The following ADAMTSL1 variants were observed in gnomAD, a reference collection of about 807,000 sequenced individuals.
ADAMTSL1 encodes the protein ADAMTS-like protein 1.
In ADAMTSL1, 126 loss-of-function variants were observed where a neutral mutation model predicts 201.8. The observed-to-expected ratio is 0.62, with a 90% CI of 0.54 to 0.72. The LOEUF (loss-of-function observed/expected upper bound fraction) is 0.72, where lower values mean the gene tolerates loss of function less well. Ranked by LOEUF, ADAMTSL1 falls within the 30% of genes least tolerant of loss-of-function variation. The pLI, the probability that ADAMTSL1 is intolerant of heterozygous loss-of-function variation, is 0.00. For synonymous variants in ADAMTSL1, 1,121 were observed against 903.4 expected, an observed-to-expected ratio of 1.24 and a Z score of -4.32; for missense variants, 2,679 against 2,277.8, an observed-to-expected ratio of 1.18 and a Z score of -3.59.
At chr9:18,117,621 T>C (rs116345765) in intron 1 of ADAMTSL1, among the ~76,000 whole-genome samples, 2,573 of 152,284 alleles carry the variant, frequency 0.017, 79 homozygotes, top group African/African-American at 0.059. Flanking sequence ...CCATGGCACC[T>C]GTCACCTAAC....
chr9:18,137,372 T>C (rs186973449), intron 1 of ADAMTSL1, among the ~76,000 whole-genome samples: 39 of 152,314 alleles, frequency 2.6e-4, no homozygotes, highest in Admixed American at 1.7e-3. Context: ...CAGGCTAAAC[T>C]GGGACTGGCT....
rs191585625 is a variant in ADAMTSL1, at chr9:18,767,129, G to A, written c.2218-3473G>A. Among the ~76,000 whole-genome samples the A allele has an allele frequency of 1.1e-3, 166 of 152,276 alleles. 3 individuals are homozygous for A. In the South Asian group the frequency reaches 0.015, roughly 13 times the overall value. On this transcript the variant is annotated intron_variant, in intron 16 of 28. Transcript: ENST00000380548. ...GAGAAGTAGGTTTGGGATGAGGTTG[G>A]AAGGGCAGTATTAAGAGTTCCATTT...
Position 18,455,812 on chromosome 9 carries a change from C to T in ADAMTSL1, c.208-49017C>T, listed in dbSNP as rs372788211. On this transcript the variant is annotated intron_variant, in intron 2 of 29. Transcript: ENST00000680146. ...TATACCCACACAATTTTGCATTGAA[C>T]TTGGCAAGAATCACTATCCCCATCT... Among the ~76,000 whole-genome samples the T allele has an allele frequency of 1.1e-4, 14 of 131,850 alleles. No homozygotes were observed. In the East Asian group the frequency reaches 2.6e-3, roughly 24 times the overall value. 86.5% of individuals were successfully genotyped at this position (131,850 alleles called of 152,430 possible).
chr9:18,420,921 G>C (rs1818916002), intron 2 of ADAMTSL1, among the ~76,000 whole-genome samples: 2 of 152,160 alleles, frequency 1.3e-5, no homozygotes, highest in Non-Finnish European at 2.9e-5. Flanking sequence ...GGCCCTCTGA[G>C]AAAATGTGCC....
chr9:18,231,904 T>C (rs1031355255), intron 2 of ADAMTSL1, among the ~76,000 whole-genome samples: 2 of 152,226 alleles, frequency 1.3e-5, no homozygotes, highest in African/African-American at 4.8e-5. Flanking sequence ...ACTCATATCA[T>C]GACCACTCTG....
At chr9:18,456,879 C>G (rs1474898963) in intron 2 of ADAMTSL1, among the ~76,000 whole-genome samples, 4 of 152,114 alleles carry the variant, frequency 2.6e-5, no homozygotes, top group African/African-American at 7.2e-5. Flanking sequence ...TGAAATTACC[C>G]TGTTCATTTA....
intron 9 of ADAMTSL1, among the ~76,000 whole-genome samples, chr9:18,665,583 G>T (rs1829380643): frequency 1.3e-5 from 2 of 152,116 alleles, no homozygotes; most frequent in South Asian, 4.1e-4. Flanking sequence ...GCAACCAGTG[G>T]CATGGAGGGG....
At chr9:18,679,934 T>C (rs1365344353) in intron 10 of ADAMTSL1, among the ~76,000 whole-genome samples, 1 of 152,244 alleles carries the variant, frequency 6.6e-6, no homozygotes, top group East Asian at 1.9e-4. Flanking sequence ...CACTTTAGTC[T>C]TGAGATGGAT....
At chr9:18,154,781 G>T (rs1453675862) in intron 1 of ADAMTSL1, among the ~76,000 whole-genome samples, 2 of 152,052 alleles carry the variant, frequency 1.3e-5, no homozygotes, top group Non-Finnish European at 2.9e-5. Flanking sequence ...ACAGAAATGG[G>T]TGGGAAGAAA....
At chr9:18,688,690 ATATAT>A (rs1352207763) in intron 13 of ADAMTSL1, among the ~76,000 whole-genome samples, 24 of 28,808 alleles carry the variant, frequency 8.3e-4, no homozygotes, top group Admixed American at 1.8e-3. Flanking sequence ...AAAAAAAAAA[ATATAT>A]ATATATATAT....
At chr9:18,048,575 T>G (rs1339871741) in intron 1 of ADAMTSL1, among the ~76,000 whole-genome samples, 1 of 152,128 alleles carries the variant, frequency 6.6e-6, no homozygotes, top group African/African-American at 2.4e-5. Context: ...GGAAATTGGG[T>G]GTGAGATATA....
intron 2 of ADAMTSL1, among the ~76,000 whole-genome samples, chr9:18,252,413 G>T (rs887126809): frequency 2.0e-5 from 3 of 152,114 alleles, no homozygotes; most frequent in Non-Finnish European, 4.4e-5. Flanking sequence ...ACCTCCCATG[G>T]ATACCAAAAT....
At chr9:18,500,342 G>T (rs1318197789) in intron 1 of ADAMTSL1, among the ~76,000 whole-genome samples, 1 of 152,184 alleles carries the variant, frequency 6.6e-6, no homozygotes, top group Non-Finnish European at 1.5e-5. Flanking sequence ...TCTAGTATTT[G>T]TAGGAGGCAT....
intron 2 of ADAMTSL1, among the ~76,000 whole-genome samples, chr9:18,259,392 G>T (rs539532215): frequency 6.6e-6 from 1 of 151,922 alleles, no homozygotes; most frequent in Non-Finnish European, 1.5e-5. Context: ...AGGCATGGTG[G>T]CACATGCCTG....
chr9:18,820,630 C>T (rs558602580), intron 21 of ADAMTSL1, among the ~76,000 whole-genome samples: 10 of 152,328 alleles, frequency 6.6e-5, no homozygotes, highest in Admixed American at 1.3e-4. Context: ...CCTAGACCAA[C>T]TCACATGTTT....
At chr9:18,202,368 G>C (rs1829485294) in intron 2 of ADAMTSL1, among the ~76,000 whole-genome samples, 1 of 152,198 alleles carries the variant, frequency 6.6e-6, no homozygotes, top group Non-Finnish European at 1.5e-5. Context: ...TATTATTTGA[G>C]ACTTCATTCA....
At chr9:18,195,754 T>A (rs1174668023) in intron 2 of ADAMTSL1, among the ~76,000 whole-genome samples, 2 of 152,146 alleles carry the variant, frequency 1.3e-5, no homozygotes, top group African/African-American at 4.8e-5. Context: ...CATAAGACAT[T>A]AGTGTCACAC....
intron 7 of ADAMTSL1, among the ~76,000 whole-genome samples, chr9:18,657,004 T>G (rs1828727687): frequency 6.6e-6 from 1 of 152,210 alleles, no homozygotes; most frequent in Non-Finnish European, 1.5e-5. Flanking sequence ...TGTTTTTAAG[T>G]AAGTAATCGT....
chr9:18,091,009 G>T (rs1823988454), intron 1 of ADAMTSL1, among the ~76,000 whole-genome samples: 1 of 151,898 alleles, frequency 6.6e-6, no homozygotes, highest in Admixed American at 6.6e-5. Flanking sequence ...TCTCCATTAA[G>T]CTTTTCTCTC....
Sources: gnomAD v4.1 joint callset for allele counts (sites outside exome capture counted in the v4.1 genomes callset) on GRCh38, gnomAD v4.1.1 for gene constraint, MANE v1.5 for transcripts, NCBI Gene and HGNC (gene_info 2026-07-23, HGNC 2026-07-21) for gene names.